The following SLC35D4 variants were observed in gnomAD, a reference collection of about 807,000 sequenced individuals.
SLC35D4 encodes the protein UDP-N-acetylglucosamine transporter SLC35D4.
At chr18:23,372,157 C>T in the SLC35D4 span, among the ~76,000 whole-genome samples, 5 of 150,958 alleles carry the variant, frequency 3.3e-5, no homozygotes, top group East Asian at 3.9e-4. Context: ...AGGATGGTCT[C>T]GATCTCCTGA....
chr18:23,283,247 G>A, the SLC35D4 span, among the ~76,000 whole-genome samples: 5 of 152,192 alleles, frequency 3.3e-5, no homozygotes, highest in Non-Finnish European at 5.9e-5. Flanking sequence ...AGTACTTTGG[G>A]AGGCCAACGT....
At chr18:23,285,787 AC>A in the SLC35D4 span, among the ~76,000 whole-genome samples, 1 of 151,394 alleles carries the variant, frequency 6.6e-6, no homozygotes, top group Non-Finnish European at 1.5e-5. Flanking sequence ...CCCTCCTCAC[AC>A]CGGGTCCGGC....
At chr18:23,424,200 T>C in the SLC35D4 span, among the ~76,000 whole-genome samples, 1 of 152,068 alleles carries the variant, frequency 6.6e-6, no homozygotes, top group Admixed American at 6.6e-5. Context: ...GCTAACTGGA[T>C]GTTGAAGATG....
the SLC35D4 span, among the ~76,000 whole-genome samples, chr18:23,380,501 C>T: frequency 2.0e-5 from 3 of 152,092 alleles, no homozygotes; most frequent in Admixed American, 6.6e-5. Flanking sequence ...CCTCCCATGC[C>T]GAATTACTGG....
the SLC35D4 span, among the ~76,000 whole-genome samples, chr18:23,304,917 C>T: frequency 1.3e-5 from 2 of 152,226 alleles, no homozygotes; most frequent in Non-Finnish European, 2.9e-5. Flanking sequence ...TCTCTCCCTT[C>T]TTCAGTCTTC....
the SLC35D4 span, among the ~76,000 whole-genome samples, chr18:23,241,993 G>A: frequency 8.5e-5 from 13 of 152,220 alleles, no homozygotes; most frequent in South Asian, 4.2e-4. Flanking sequence ...AAAAAATTCC[G>A]GGCCAGGTGC....
chr18:23,351,429 A>AAC, the SLC35D4 span, among the ~76,000 whole-genome samples: 4 of 4,820 alleles, frequency 8.3e-4, no homozygotes, highest in African/African-American at 9.3e-4. Flanking sequence ...AACAAAAACA[A>AAC]AAACAAAAAC....
At chr18:23,330,266 G>T in the SLC35D4 span, among the ~76,000 whole-genome samples, 18 of 151,926 alleles carry the variant, frequency 1.2e-4, no homozygotes, top group South Asian at 6.2e-4. Flanking sequence ...GAAAACCTCA[G>T]GAATGTGTGT....
At chr18:23,412,460 C>A in the SLC35D4 span, among the ~76,000 whole-genome samples, 1 of 152,150 alleles carries the variant, frequency 6.6e-6, no homozygotes, top group Non-Finnish European at 1.5e-5. Flanking sequence ...TTATAGAAGA[C>A]CCCTAGATTT....
At chr18:23,384,921 TA>T in the SLC35D4 span, 2 of 1,480,180 alleles carry the variant, frequency 1.4e-6, no homozygotes, top group Non-Finnish European at 1.9e-6. Context: ...ATTTGGGCCA[TA>T]AAAAGAAGAG....
the SLC35D4 span, among the ~76,000 whole-genome samples, chr18:23,275,650 T>C: frequency 0.027 from 3,613 of 133,526 alleles, 59 homozygotes; most frequent in Middle Eastern, 0.064. Flanking sequence ...TGCTGTGCTG[T>C]GCTGTGCTTT....
chr18:23,409,909 G>T, the SLC35D4 span, among the ~76,000 whole-genome samples: 29 of 150,500 alleles, frequency 1.9e-4, no homozygotes, highest in African/African-American at 6.6e-4. Context: ...CCTTTCTCTT[G>T]CCATTATTCT....
At chr18:23,264,567 T>C in the SLC35D4 span, among the ~76,000 whole-genome samples, 6 of 152,118 alleles carry the variant, frequency 3.9e-5, no homozygotes, top group African/African-American at 1.4e-4. Context: ...TTCACTATGT[T>C]GGTCAGGCTG....
the SLC35D4 span, among the ~76,000 whole-genome samples, chr18:23,408,679 T>A: frequency 2.6e-5 from 4 of 152,154 alleles, no homozygotes; most frequent in African/African-American, 9.7e-5. Flanking sequence ...TTATTAACCA[T>A]CATGTTGTAA....
At chr18:23,256,962 A>G in the SLC35D4 span, among the ~76,000 whole-genome samples, 1 of 152,178 alleles carries the variant, frequency 6.6e-6, no homozygotes, top group Non-Finnish European at 1.5e-5. Flanking sequence ...AGCATGAACC[A>G]TGTCATATTC....
At chr18:23,409,989 T>C in the SLC35D4 span, among the ~76,000 whole-genome samples, 1 of 152,068 alleles carries the variant, frequency 6.6e-6, no homozygotes, top group Non-Finnish European at 1.5e-5. Flanking sequence ...TTAACGTATA[T>C]GGGATGACAT....
chr18:23,281,373 A>G, the SLC35D4 span, among the ~76,000 whole-genome samples: 1 of 152,110 alleles, frequency 6.6e-6, no homozygotes, highest in Non-Finnish European at 1.5e-5. Flanking sequence ...CCCAGGATGG[A>G]GTGCAGTGGC....
chr18:23,413,245 C>T, the SLC35D4 span, among the ~76,000 whole-genome samples: 1 of 152,176 alleles, frequency 6.6e-6, no homozygotes, highest in East Asian at 1.9e-4. Context: ...TCACTTCTTC[C>T]CACTTCATGT....
chr18:23,325,499 C>T, the SLC35D4 span, among the ~76,000 whole-genome samples: 40 of 152,206 alleles, frequency 2.6e-4, no homozygotes, highest in African/African-American at 9.4e-4. Context: ...AAAGAAGGTG[C>T]GTGATCAGTT....
Sources: allele counts gnomAD v4.1 joint callset (sites outside exome capture counted in the v4.1 genomes callset), GRCh38; gene constraint gnomAD v4.1.1; transcripts MANE v1.5; gene names NCBI Gene and HGNC (gene_info 2026-07-23, HGNC 2026-07-21).